The following ST8SIA1 variants were observed in gnomAD, a reference collection of about 807,000 sequenced individuals.
ST8SIA1 encodes ST8 alpha-N-acetyl-neuraminide alpha-2,8-sialyltransferase 1.
In ST8SIA1, 16 loss-of-function variants were observed where a neutral mutation model predicts 35.9. That is an observed-to-expected ratio of 0.45 (90% confidence interval 0.30 to 0.68). The LOEUF (loss-of-function observed/expected upper bound fraction) is 0.68. Ranked by LOEUF, ST8SIA1 falls within the 30% of genes least tolerant of loss-of-function variation. The pLI is 0.09. For missense variants in ST8SIA1, 383 were observed against 453.6 expected (o/e 0.84, Z 1.41); for synonymous variants, 170 against 169.6 (o/e 1.00, Z -0.02).
At chr12:22,326,163 T>G (rs1373831326) in intron 1 of ST8SIA1, 1 of 368,582 alleles carries the variant, frequency 2.7e-6, no homozygotes, top group African/African-American at 2.1e-5. Context: ...TTAATTAGAT[T>G]AACAAATCAG....
intron 1 of ST8SIA1, among the ~76,000 whole-genome samples, chr12:22,299,006 C>T (rs552355870): frequency 3.7e-4 from 56 of 151,518 alleles, no homozygotes; most frequent in African/African-American, 1.2e-3. Context: ...AATAAAGAAG[C>T]GACAACTGGC....
intron 1 of ST8SIA1, among the ~76,000 whole-genome samples, chr12:22,330,130 T>C (rs1187860220): frequency 2.6e-5 from 4 of 152,194 alleles, no homozygotes; most frequent in East Asian, 1.9e-4. Context: ...CTGCCTGGCA[T>C]ATACTTCTAT....
intron 4 of ST8SIA1, among the ~76,000 whole-genome samples, chr12:22,241,655 T>A (rs377261028): frequency 7.1e-6 from 1 of 141,462 alleles, no homozygotes; most frequent in Non-Finnish European, 1.5e-5. Context: ...CAGGCTGGAG[T>A]GCAGTGGCGC....
rs1456840861 is a variant in ST8SIA1, at chr12:22,196,398, T to C, written c.*5154A>G. 6.6e-6 allele frequency: 1 copy of C among 152,100 alleles called. No individual in the cohort carries two copies. Among genetic ancestry groups the C allele is most frequent in the Non-Finnish European group, 1.5e-5 (1 of 68,028 alleles). The allele number at this position is 152,100 out of a possible 1,614,324, so 9.4% of individuals were successfully genotyped here. A position where few individuals can be genotyped will look rare whatever the true frequency, so the allele number is the denominator to read the frequency against. On this transcript the variant is annotated 3_prime_UTR_variant, in exon 5 of 5. Coordinates refer to ENST00000396037, the MANE Select transcript of ST8SIA1 (RefSeq NM_003034.4). ...CAATCTCTCACCCCTAAGATGTATG[T>C]AAAAAATTCAAAAGACAAGTCTGGG... is the stretch of plus-strand genomic sequence containing the variant.
At position 22,223,475 on chromosome 12, in the gene ST8SIA1, G is replaced by A. The variant is rs1046632146; in HGVS notation, c.585-21437C>T. On this transcript the variant is annotated intron_variant, in intron 4 of 4. Transcript: ENST00000396037. ...GCCTTTCTCAGACTTCTTTATAGCC[G>A]GGATTCCAGCTGTGATGCTGGCGCA... The A allele has an allele frequency of 1.4e-5, 14 of 986,490 alleles. No homozygotes were observed. In the Admixed American group the frequency reaches 3.1e-4, roughly 22 times the overall value. 61.1% of individuals were successfully genotyped at this position (986,490 alleles called of 1,614,324 possible).
At chr12:22,284,475 T>C (rs1228618214) in intron 2 of ST8SIA1, among the ~76,000 whole-genome samples, 1 of 152,170 alleles carries the variant, frequency 6.6e-6, no homozygotes, top group African/African-American at 2.4e-5. Flanking sequence ...ACTAGAAACA[T>C]TTTGCTAAGA....
chr12:22,288,901 G>C (rs917380825), intron 1 of ST8SIA1, among the ~76,000 whole-genome samples: 13 of 152,012 alleles, frequency 8.6e-5, no homozygotes, highest in Admixed American at 8.5e-4. Context: ...TGTTGTTGTT[G>C]TCCTTGTTTT....
intron 2 of ST8SIA1, among the ~76,000 whole-genome samples, chr12:22,274,422 T>TGA (rs1421775630): frequency 2.0e-5 from 3 of 152,004 alleles, no homozygotes; most frequent in Non-Finnish European, 4.4e-5. Flanking sequence ...GTAAAGACAA[T>TGA]GAGAGAAAAT....
Position 22,197,394 on chromosome 12 carries a change from T to C in ST8SIA1, c.*4158A>G, listed in dbSNP as rs562561426. The C allele has an allele frequency of 2.6e-5, 4 of 152,312 alleles. No individual in the cohort carries two copies. The East Asian group carries it at 7.7e-4, about 29-fold the overall frequency. The allele number at this position is 152,312 out of a possible 1,614,324, so 9.4% of individuals were successfully genotyped here. A position where few individuals can be genotyped will look rare whatever the true frequency, so the allele number is the denominator to read the frequency against. On this transcript the variant is annotated 3_prime_UTR_variant, in exon 5 of 5. Coordinates refer to ENST00000396037, the MANE Select transcript of ST8SIA1 (RefSeq NM_003034.4). ...TTTCCTAAAGTTTTCAGTGGACTGGTAACATTCCCCTCCCCCTTAGGTCCC... is the reference window on the plus strand; with the variant it reads ...TTTCCTAAAGTTTTCAGTGGACTGGCAACATTCCCCTCCCCCTTAGGTCCC...
In ST8SIA1 at chr12:22,315,769, TAA is replaced by T. The variant is rs34854158; in HGVS notation, c.236+18226_236+18227del. On this transcript the variant is annotated intron_variant, in intron 1 of 4. Coordinates refer to ENST00000396037, the MANE Select transcript of ST8SIA1 (RefSeq NM_003034.4). ...ATTCACATTCACAAACCCCTTAATG[TAA>T]AAAAAAAAAAAAAAAAAATTCCCCT... 2.8e-3 allele frequency among the ~76,000 whole-genome samples: 358 copies of T among 129,032 alleles called. 1 individual carries two copies. Among genetic ancestry groups the T allele is most frequent in the Middle Eastern group, 7.9e-3 (2 of 252 alleles). The allele number at this position is 129,032 out of a possible 152,430, so 84.7% of individuals were successfully genotyped here.
At chr12:22,313,393 T>C (rs1866477469) in intron 1 of ST8SIA1, among the ~76,000 whole-genome samples, 1 of 152,134 alleles carries the variant, frequency 6.6e-6, no homozygotes, top group East Asian at 1.9e-4. Flanking sequence ...CACTTGAGTT[T>C]TGCCAATGAA....
At chr12:22,222,340 C>T (rs549712682) in intron 4 of ST8SIA1, among the ~76,000 whole-genome samples, 4 of 152,120 alleles carry the variant, frequency 2.6e-5, no homozygotes, top group South Asian at 4.2e-4. Flanking sequence ...AGCTGCCTCA[C>T]GAGGGAAAAA....
At chr12:22,207,450 A>G (rs979113810) in intron 4 of ST8SIA1, among the ~76,000 whole-genome samples, 4 of 152,184 alleles carry the variant, frequency 2.6e-5, no homozygotes, top group Non-Finnish European at 5.9e-5. Context: ...AACTGTAATT[A>G]AGCATGTTGT....
At chr12:22,246,481 T>C (rs778237386) in intron 4 of ST8SIA1, among the ~76,000 whole-genome samples, 2 of 152,150 alleles carry the variant, frequency 1.3e-5, no homozygotes, top group Non-Finnish European at 2.9e-5. Flanking sequence ...CCTAAAATCT[T>C]TAGAAACTCC....
At position 22,332,055 on chromosome 12, in the gene ST8SIA1, T is replaced by C. The variant is rs571476840; in HGVS notation, c.236+1942A>G. Among the ~76,000 whole-genome samples the C allele has an allele frequency of 2.6e-5, 4 of 152,308 alleles. No individual in the cohort carries two copies. The South Asian group carries it at 8.3e-4, about 32-fold the overall frequency. On this transcript the variant is annotated intron_variant, in intron 1 of 4. Transcript: ENST00000396037. ...CTAACTTGCCAAAGATTCTCTGCTG[T>C]TTATCTAGTCACAGCATACTCAGTG...
At chr12:22,227,169 C>T (rs1865368854) in intron 4 of ST8SIA1, among the ~76,000 whole-genome samples, 1 of 151,934 alleles carries the variant, frequency 6.6e-6, no homozygotes, top group African/African-American at 2.4e-5. Context: ...TGGTCTAGAT[C>T]TCTTGACCTT....
intron 1 of ST8SIA1, among the ~76,000 whole-genome samples, chr12:22,319,633 TCTGA>T (rs1866559258): frequency 6.6e-6 from 1 of 151,672 alleles, no homozygotes; most frequent in South Asian, 2.1e-4. Flanking sequence ...GGGGGAAGAG[TCTGA>T]CTGGCAATCC....
intron 1 of ST8SIA1, among the ~76,000 whole-genome samples, chr12:22,328,046 T>C (rs1402219127): frequency 2.0e-5 from 3 of 152,206 alleles, no homozygotes; most frequent in Non-Finnish European, 2.9e-5. Flanking sequence ...GTTGTCTCAT[T>C]TAGTGGACAG....
chr12:22,325,249 A>G (rs1866659921), intron 1 of ST8SIA1: 2 of 553,032 alleles, frequency 3.6e-6, no homozygotes, highest in Non-Finnish European at 6.4e-6. Flanking sequence ...GAAACAAACT[A>G]AAGATTTTGC....
Sources: allele counts gnomAD v4.1 joint callset (sites outside exome capture counted in the v4.1 genomes callset), GRCh38; gene constraint gnomAD v4.1.1; transcripts MANE v1.5; gene names NCBI Gene and HGNC (gene_info 2026-07-23, HGNC 2026-07-21).